The following NEK10 variants were observed in gnomAD, a reference collection of about 807,000 sequenced individuals.
NEK10 encodes the protein NIMA related kinase 10, also known as serine/threonine-protein kinase Nek10.
Under a neutral mutation model 159.8 loss-of-function variants are expected in NEK10, and 122 were observed. That is an observed-to-expected ratio of 0.76 (90% CI 0.66 to 0.89). The LOEUF is 0.89. NEK10 is among the 40% of genes least tolerant of loss of function. NEK10 has a pLI of 0.00. For missense variants in NEK10, 1,342 were observed against 1,323.1 expected, an observed-to-expected ratio of 1.01 and a Z score of -0.22; for synonymous variants, 466 against 457.1, an observed-to-expected ratio of 1.02 and a Z score of -0.25.
At chr3:27,171,469 C>T (rs1444460663) in intron 29 of NEK10, among the ~76,000 whole-genome samples, 2 of 152,108 alleles carry the variant, frequency 1.3e-5, no homozygotes, top group Admixed American at 1.3e-4. Flanking sequence ...AAGATGAAAC[C>T]TATACCCTGG....
chr3:27,265,088 C>T (rs983009040), intron 22 of NEK10, among the ~76,000 whole-genome samples: 1 of 152,070 alleles, frequency 6.6e-6, no homozygotes, highest in Non-Finnish European at 1.5e-5. Flanking sequence ...ATTTTCTTAA[C>T]CTGATAAAGA....
In NEK10 at chr3:27,174,821, T is replaced by C. The variant is rs1259000774; in HGVS notation, c.2518A>G (p.Lys840Glu). Residue 840 changes from lysine to glutamate, a missense_variant, in exon 27 of 36, where the codon AAG (lysine) becomes GAG (glutamate). Lys to Glu is a moderately conservative substitution (Grantham distance 56, BLOSUM62 1). Transcript: ENST00000691995. The stretch of plus-strand genomic sequence containing the variant: ...CTGCTGCTGCTACTCAAACTTGCCT[T>C]CTCAAAGGTCTCCTGGAAAGAGAAA... ...LAVLSHETFE[K>E]ASLSSSSSGA... 3 of 1,589,118 alleles carry C rather than the reference T, an allele frequency of 1.9e-6. No individual in the cohort carries two copies. Among genetic ancestry groups the C allele is most frequent in the Non-Finnish European group, 1.7e-6 (2 of 1,171,272 alleles).
At chr3:27,210,750 A>G (rs1443487167) in intron 23 of NEK10, among the ~76,000 whole-genome samples, 1 of 152,200 alleles carries the variant, frequency 6.6e-6, no homozygotes, top group Admixed American at 6.5e-5. Flanking sequence ...TTTGTTTTAT[A>G]GACTCAAATT....
At chr3:27,252,202 A>G in intron 23 of NEK10, 1 of 505,366 alleles carries the variant, frequency 2.0e-6, no homozygotes. Context: ...ATTCAAGTAC[A>G]ACATAAGGTC....
At chr3:27,132,140 T>C in intron 31 of NEK10, 150 bp from the exon 32 acceptor site, 1 of 427,292 alleles carries the variant, frequency 2.3e-6, no homozygotes, top group Non-Finnish European at 4.2e-6. Context: ...CATGACTAGA[T>C]GCTATAATTT....
At chr3:27,223,043 C>A (rs1045083081) in intron 23 of NEK10, among the ~76,000 whole-genome samples, 1 of 152,026 alleles carries the variant, frequency 6.6e-6, no homozygotes, top group African/African-American at 2.4e-5. Context: ...ATTAATAGAA[C>A]TTTTTAGAGC....
At chr3:27,354,271 A>G (rs570671347) in intron 1 of NEK10, among the ~76,000 whole-genome samples, 53 of 152,330 alleles carry the variant, frequency 3.5e-4, no homozygotes, top group African/African-American at 1.3e-3. Flanking sequence ...ACCACTATCA[A>G]ACTCGCTAAA....
In NEK10 at chr3:27,296,754, CAA is replaced by C. The variant is rs202194223; in HGVS notation, c.1230+423_1230+424del. Among the ~76,000 whole-genome samples, 1,328 of 152,152 alleles carry C rather than the reference CAA, an allele frequency of 8.7e-3. 12 individuals are homozygous for C. The highest frequency in any genetic ancestry group is 0.03 in the African/African-American group (1,238 of 41,504). On this transcript the variant is annotated intron_variant, in intron 14 of 35. Coordinates refer to ENST00000691995, the MANE Select transcript of NEK10 (RefSeq NM_001394966.1). ...AGATTAATTAGTGGATTATACTTTG[CAA>C]AATCAGTTTCTTGGCAATAAATATT...
intron 35 of NEK10, among the ~76,000 whole-genome samples, chr3:27,111,816 AAAC>A (rs1472766608): frequency 1.3e-5 from 2 of 152,210 alleles, no homozygotes; most frequent in African/African-American, 2.4e-5. Context: ...TTATCCTCAC[AAAC>A]AACAATGATA....
At chr3:27,210,373 T>A (rs1950901481) in intron 23 of NEK10, among the ~76,000 whole-genome samples, 1 of 152,142 alleles carries the variant, frequency 6.6e-6, no homozygotes, top group Non-Finnish European at 1.5e-5. Flanking sequence ...AATCCATGAA[T>A]GGATCCTCAT....
At chr3:27,219,918 A>G (rs1295526380) in intron 23 of NEK10, among the ~76,000 whole-genome samples, 2 of 152,198 alleles carry the variant, frequency 1.3e-5, no homozygotes, top group South Asian at 4.1e-4. Context: ...TTATATTTCT[A>G]TACTCTAGCA....
intron 20 of NEK10, among the ~76,000 whole-genome samples, chr3:27,285,245 T>A (rs1472003746): frequency 4.6e-5 from 7 of 152,166 alleles, no homozygotes; most frequent in Admixed American, 4.6e-4. Context: ...TGCCAGGATG[T>A]GGAATGATTG....
At chr3:27,158,252 G>A (rs1023957997) in intron 30 of NEK10, among the ~76,000 whole-genome samples, 21 of 152,210 alleles carry the variant, frequency 1.4e-4, no homozygotes, top group African/African-American at 5.1e-4. Flanking sequence ...ATATAGTATA[G>A]ACTAGTATCA....
chr3:27,225,149 G>A (rs1012176243), intron 23 of NEK10, among the ~76,000 whole-genome samples: 7 of 152,174 alleles, frequency 4.6e-5, no homozygotes, highest in Non-Finnish European at 8.8e-5. Context: ...GTGTTCAAGG[G>A]CAGGAAGCAT....
At chr3:27,186,500 C>T (rs138679381) in intron 26 of NEK10, among the ~76,000 whole-genome samples, 44 of 152,312 alleles carry the variant, frequency 2.9e-4, no homozygotes, top group African/African-American at 8.7e-4. Context: ...TTCCTTCTCA[C>T]ATCCACTCCA....
intron 30 of NEK10, among the ~76,000 whole-genome samples, chr3:27,154,941 T>C (rs1945256857): frequency 6.6e-6 from 1 of 152,144 alleles, no homozygotes; most frequent in Non-Finnish European, 1.5e-5. Flanking sequence ...CTGGAAGTCC[T>C]AGCCAGAGCA....
In NEK10 at chr3:27,226,797, A is replaced by G. The variant is rs1476726013; in HGVS notation, c.2091-24240T>C. Among the ~76,000 whole-genome samples, 3 of 152,234 alleles carry G rather than the reference A, an allele frequency of 2.0e-5. No individual in the cohort carries two copies. The East Asian group carries it at 5.8e-4, about 29-fold the overall frequency. Reference sequence around the variant, plus strand: ...AAAAATACTTGAAGGAGGAAAACAAACCACTTCTATCAACTATATCCTTAT... The same window carrying G: ...AAAAATACTTGAAGGAGGAAAACAAGCCACTTCTATCAACTATATCCTTAT... On this transcript the variant is annotated intron_variant, in intron 23 of 35. Transcript: ENST00000691995.
In NEK10 at chr3:27,117,413, A is replaced by T. The variant is rs140075494; in HGVS notation, c.3191-1286T>A. Among the ~76,000 whole-genome samples the T allele has an allele frequency of 1.2e-3, 190 of 152,348 alleles. 3 individuals carry two copies. The East Asian group carries it at 0.028, about 23-fold the overall frequency. On this transcript the variant is annotated intron_variant, in intron 33 of 35. Coordinates refer to ENST00000691995, the MANE Select transcript of NEK10 (RefSeq NM_001394966.1). Reference sequence around the variant, plus strand: ...TTGAGGAATAGCCACACTGTCTTCCACAATGGTTGAACTAATTTACATTCC... The same window carrying T: ...TTGAGGAATAGCCACACTGTCTTCCTCAATGGTTGAACTAATTTACATTCC...
Position 27,174,796 on chromosome 3 carries a change from C to G in NEK10, c.2543G>C (p.Ser848Thr). 3.7e-6 allele frequency: 6 copies of G among 1,604,126 alleles called. No individual in the cohort carries two copies. Among genetic ancestry groups the G allele is most frequent in the Non-Finnish European group, 5.1e-6 (6 of 1,176,900 alleles). The part of the protein sequence containing the change: ...FEKASLSSSS[S>T]GAASLKSELS... The stretch of plus-strand genomic sequence containing the variant: ...TTCACTTTTCAGGCTGGCTGCTCCA[C>G]TGCTGCTGCTACTCAAACTTGCCTT... The change falls in exon 27 of 36, where the codon AGT becomes ACT. Residue 848 changes from serine to threonine, a missense_variant. Transcript: ENST00000691995.
Sources: gnomAD v4.1 joint callset for allele counts (sites outside exome capture counted in the v4.1 genomes callset) on GRCh38, gnomAD v4.1.1 for gene constraint, MANE v1.5 for transcripts, NCBI Gene and HGNC (gene_info 2026-07-23, HGNC 2026-07-21) for gene names.